The following RNF220 variants were observed in gnomAD, a reference collection of about 807,000 sequenced individuals.
RNF220 encodes ring finger protein 220, also known as E3 ubiquitin-protein ligase RNF220.
In RNF220, 7 loss-of-function variants were observed where a neutral mutation model predicts 67.1. That is an observed-to-expected ratio of 0.10 (90% CI 0.06 to 0.20). The LOEUF (loss-of-function observed/expected upper bound fraction) is 0.20, where lower values mean the gene tolerates loss of function less well. RNF220 is among the 10% of genes least tolerant of loss of function. RNF220 has a pLI of 1.00. For missense variants in RNF220, 565 were observed against 740.3 expected (o/e 0.76, Z 2.75); for synonymous variants, 270 against 283.2 (o/e 0.95, Z 0.47).
intron 2 of RNF220, among the ~76,000 whole-genome samples, chr1:44,559,265 A>G (rs1663362514): frequency 6.6e-6 from 1 of 152,136 alleles, no homozygotes; most frequent in Non-Finnish European, 1.5e-5. Flanking sequence ...CAGGAGTTTT[A>G]TTCACACTGC....
chr1:44,588,340 T>C (rs1250797641), intron 2 of RNF220, among the ~76,000 whole-genome samples: 2 of 152,224 alleles, frequency 1.3e-5, no homozygotes, highest in Non-Finnish European at 2.9e-5. Context: ...AAGACAGGCC[T>C]GTCCTGCATC....
At chr1:44,561,387 G>A (rs1285223233) in intron 2 of RNF220, among the ~76,000 whole-genome samples, 1 of 152,200 alleles carries the variant, frequency 6.6e-6, no homozygotes, top group Non-Finnish European at 1.5e-5. Flanking sequence ...GCCGGCGCCT[G>A]TAATCCCAGC....
At chr1:44,560,720 C>A (rs931045825) in intron 2 of RNF220, among the ~76,000 whole-genome samples, 4 of 152,160 alleles carry the variant, frequency 2.6e-5, no homozygotes, top group Non-Finnish European at 4.4e-5. Context: ...TGCCACCACA[C>A]CCAGATAATT....
intron 6 of RNF220, 47 bp downstream of exon 6, chr1:44,632,432 C>CCTCT: frequency 1.3e-6 from 2 of 1,521,986 alleles, no homozygotes; most frequent in Non-Finnish European, 8.9e-7. Flanking sequence ...CGGCCTCCTC[C>CCTCT]CTCCCTCCCT....
intron 2 of RNF220, among the ~76,000 whole-genome samples, chr1:44,531,459 C>G (rs970273236): frequency 6.6e-6 from 1 of 152,190 alleles, no homozygotes; most frequent in Non-Finnish European, 1.5e-5. Flanking sequence ...TTTAGTTGCT[C>G]TCTCTGATGT....
chr1:44,479,270 C>T (rs1431228340), intron 2 of RNF220, among the ~76,000 whole-genome samples: 1 of 152,038 alleles, frequency 6.6e-6, no homozygotes, highest in Non-Finnish European at 1.5e-5. Flanking sequence ...CGCCTGCCAC[C>T]AGTGCCCAAC....
chr1:44,623,347 C>T (rs959837879), intron 4 of RNF220, among the ~76,000 whole-genome samples: 2 of 152,148 alleles, frequency 1.3e-5, no homozygotes, highest in African/African-American at 2.4e-5. Flanking sequence ...TTGAAAGCAT[C>T]AGTTGGAGAA....
chr1:44,444,224 G>A lies in RNF220; in HGVS notation c.625+31502G>A, dbSNP rs772849497. Among the ~76,000 whole-genome samples the A allele has an allele frequency of 5.9e-5, 9 of 151,942 alleles. No individual in the cohort carries two copies. In the South Asian group the frequency reaches 1.9e-3, roughly 31 times the overall value. The stretch of plus-strand genomic sequence containing the variant: ...TGACTTTTATGATGATTACTTTTTT[G>A]CTTTTTAAAATAATTTTATCACACA... On this transcript the variant is annotated intron_variant, in intron 2 of 14. Coordinates refer to ENST00000361799, the MANE Select transcript of RNF220 (RefSeq NM_018150.4).
intron 2 of RNF220, among the ~76,000 whole-genome samples, chr1:44,413,474 T>G (rs983691610): frequency 3.9e-5 from 6 of 152,354 alleles, no homozygotes; most frequent in African/African-American, 1.2e-4. Flanking sequence ...AAGTGCCTTG[T>G]TGGGCTCTGG....
intron 8 of RNF220, among the ~76,000 whole-genome samples, chr1:44,642,733 T>C (rs1195350945): frequency 6.6e-6 from 1 of 152,218 alleles, no homozygotes; most frequent in Non-Finnish European, 1.5e-5. Flanking sequence ...TGCTTTGCCA[T>C]GGAGCCATAT....
intron 5 of RNF220, 48 bp from the exon 6 acceptor site, chr1:44,632,287 GGCCGCGCC>G: frequency 6.2e-7 from 1 of 1,613,968 alleles, no homozygotes; most frequent in Non-Finnish European, 8.5e-7. Flanking sequence ...CAGGACTGCA[GGCCGCGCC>G]TGACGCTCTC....
At chr1:44,432,153 G>A (rs920891557) in intron 2 of RNF220, among the ~76,000 whole-genome samples, 1 of 152,024 alleles carries the variant, frequency 6.6e-6, no homozygotes, top group African/African-American at 2.4e-5. Context: ...CCATGTTAAA[G>A]CACTTTGAAT....
chr1:44,405,400 T>C lies in RNF220; in HGVS notation c.-248T>C, dbSNP rs928523314. ...CTACTGCTGCTGCTGCTGCTGCCGC[T>C]GCCGCCGCCGCCGCCGCCGCTGCCT... On this transcript the variant is annotated 5_prime_UTR_variant, in exon 1 of 15. Coordinates refer to ENST00000361799, the MANE Select transcript of RNF220 (RefSeq NM_018150.4). 5.9e-5 allele frequency: 37 copies of C among 626,050 alleles called. No homozygotes were observed. Among genetic ancestry groups the C allele is most frequent in the Middle Eastern group, 3.2e-4 (1 of 3,090 alleles). The allele number at this position is 626,050 out of a possible 1,614,324, so 38.8% of individuals were successfully genotyped here. A position where few individuals can be genotyped will look rare whatever the true frequency, so the allele number is the denominator to read the frequency against.
chr1:44,578,235 A>G (rs1355427658), intron 2 of RNF220, among the ~76,000 whole-genome samples: 2 of 132,220 alleles, frequency 1.5e-5, no homozygotes, highest in Non-Finnish European at 3.1e-5. Flanking sequence ...TGCAACCTCC[A>G]CCTGCCGGGT....
rs926177233 is a variant in RNF220 at position 44,590,873 on chromosome 1, C to A, written c.626-23292C>A. On this transcript the variant is annotated intron_variant, in intron 2 of 14. Transcript: ENST00000361799. The stretch of plus-strand genomic sequence containing the variant: ...CCAGATGCTTCTGATAGTACTGCCT[C>A]CTAGAAGAGTTAACCTTGAAGCTGA... 2.0e-5 allele frequency among the ~76,000 whole-genome samples: 3 copies of A among 152,154 alleles called. 1 individual carries two copies. Among genetic ancestry groups the A allele is most frequent in the Non-Finnish European group, 4.4e-5 (3 of 68,034 alleles).
chr1:44,539,263 G>A (rs1301283796), intron 2 of RNF220, among the ~76,000 whole-genome samples: 1 of 151,934 alleles, frequency 6.6e-6, no homozygotes, highest in African/African-American at 2.4e-5. Flanking sequence ...CCTATGGTTC[G>A]CCGTGAGCCC....
chr1:44,645,151 G>A lies in RNF220; in HGVS notation c.1310+70G>A, dbSNP rs1235070932. On this transcript the variant is annotated intron_variant, in intron 10 of 14. Coordinates refer to ENST00000361799, the MANE Select transcript of RNF220 (RefSeq NM_018150.4). This position sits in a 1 kb window ranked among gnomAD's most constrained non-coding sequence, Gnocchi z 5.0. ...AAGCCCTGAGGCAGGGGTTAACGCA[G>A]TACTGACCCTCAGGGCTGTCCTGCC... 5 of 1,612,212 alleles carry A rather than the reference G, an allele frequency of 3.1e-6. No individual in the cohort carries two copies. The highest frequency in any genetic ancestry group is 4.5e-5 in the East Asian group (2 of 44,864).
At chr1:44,632,317 T>C (rs934527445) in intron 5 of RNF220, 26 bp from the exon 6 acceptor site, 6 of 1,613,988 alleles carry the variant, frequency 3.7e-6, no homozygotes, top group Non-Finnish European at 5.1e-6. Context: ...TTTCTTTTCT[T>C]GCATCTGCCC....
intron 2 of RNF220, among the ~76,000 whole-genome samples, chr1:44,601,255 A>G (rs767168156): frequency 6.6e-5 from 10 of 152,184 alleles, no homozygotes; most frequent in Non-Finnish European, 1.5e-4. Context: ...TCAGGTTGCG[A>G]TGAGTTAAGA....
Sources: gnomAD v4.1 joint callset for allele counts (sites outside exome capture counted in the v4.1 genomes callset) on GRCh38, gnomAD v4.1.1 for gene constraint, Gnocchi (gnomAD v3.1) non-coding constraint, MANE v1.5 for transcripts, NCBI Gene and HGNC (gene_info 2026-07-23, HGNC 2026-07-21) for gene names.